Variants in SFMBT2 observed in about 807,000 individuals in gnomAD.
The protein encoded by SFMBT2 is scm-like with four MBT domains protein 2.
A neutral mutation model predicts 110.1 loss-of-function variants in SFMBT2; 38 were observed. The observed-to-expected ratio is 0.35, with a 90% CI of 0.27 to 0.45. The LOEUF is 0.45. Ranked by LOEUF, SFMBT2 falls within the 20% of genes least tolerant of loss-of-function variation. SFMBT2 has a pLI of 1.00. For synonymous variants in SFMBT2, 425 were observed against 425.4 expected (o/e 1.00, Z 0.01); for missense variants, 1,011 against 1,094.9 (o/e 0.92, Z 1.08).
At chr10:7,252,991 A>G (rs904885877) in intron 7 of SFMBT2, among the ~76,000 whole-genome samples, 2 of 152,222 alleles carry the variant, frequency 1.3e-5, no homozygotes, top group Admixed American at 6.5e-5. Flanking sequence ...CTCATTACCA[A>G]TGGCCAAAGA....
At chr10:7,208,909 G>A (rs1414015972) in intron 11 of SFMBT2, among the ~76,000 whole-genome samples, 1 of 152,086 alleles carries the variant, frequency 6.6e-6, no homozygotes, top group African/African-American at 2.4e-5. Flanking sequence ...AAGTATTTAT[G>A]AGGTCAGATG....
At chr10:7,240,621 C>T (rs1840398339) in intron 9 of SFMBT2, among the ~76,000 whole-genome samples, 1 of 151,824 alleles carries the variant, frequency 6.6e-6, no homozygotes, top group Non-Finnish European at 1.5e-5. Context: ...CTCTCAACGG[C>T]AATGTCTAAG....
At chr10:7,253,218 C>T (rs1840872053) in intron 7 of SFMBT2, among the ~76,000 whole-genome samples, 1 of 152,118 alleles carries the variant, frequency 6.6e-6, no homozygotes, top group African/African-American at 2.4e-5. Flanking sequence ...GTACCCTTTA[C>T]AATAAACAGG....
chr10:7,235,170 A>G (rs1840217539), intron 9 of SFMBT2, among the ~76,000 whole-genome samples: 1 of 152,252 alleles, frequency 6.6e-6, no homozygotes, highest in Admixed American at 6.5e-5. Context: ...CTCATGGACC[A>G]GACATTGTTT....
At chr10:7,362,724 C>T (rs1844763579) in intron 4 of SFMBT2, among the ~76,000 whole-genome samples, 1 of 152,238 alleles carries the variant, frequency 6.6e-6, no homozygotes, top group Admixed American at 6.5e-5. Flanking sequence ...TTCTCTGGTT[C>T]CAATGGGGAA....
chr10:7,336,485 G>T (rs140392042), intron 4 of SFMBT2, among the ~76,000 whole-genome samples: 1 of 152,322 alleles, frequency 6.6e-6, no homozygotes, highest in East Asian at 1.9e-4. Context: ...CTGGAAATGA[G>T]ATGTAATGAG....
rs553825807 is a variant in SFMBT2, at chr10:7,164,151, C to A, written c.2545-241G>T. 3 of 976,852 alleles carry A rather than the reference C, an allele frequency of 3.1e-6. No homozygotes were observed. In the East Asian group the frequency reaches 3.4e-4, roughly 112 times the overall value. The allele number at this position is 976,852 out of a possible 1,614,324, so 60.5% of individuals were successfully genotyped here. A position where few individuals can be genotyped will look rare whatever the true frequency, so the allele number is the denominator to read the frequency against. ...CCTATAATTCCAGCACTTTGGAAGGCTGAGGCTGGAGGATCGCTTGAGACC... is the reference window on the plus strand; with the variant it reads ...CCTATAATTCCAGCACTTTGGAAGGATGAGGCTGGAGGATCGCTTGAGACC... On this transcript the variant is annotated intron_variant, in intron 20 of 20. Transcript: ENST00000397167.
intron 7 of SFMBT2, among the ~76,000 whole-genome samples, chr10:7,254,733 C>T (rs972920165): frequency 1.3e-5 from 2 of 152,026 alleles, no homozygotes; most frequent in African/African-American, 4.8e-5. Context: ...GAGGCTGAGG[C>T]AGAAGAATCG....
intron 16 of SFMBT2, among the ~76,000 whole-genome samples, chr10:7,181,112 G>A (rs926201776): frequency 3.9e-5 from 6 of 151,976 alleles, no homozygotes; most frequent in Admixed American, 1.3e-4. Flanking sequence ...GGTGGTGCAC[G>A]CCTGTAGTCT....
At chr10:7,376,893 C>G (rs766204992) in intron 2 of SFMBT2, among the ~76,000 whole-genome samples, 1 of 148,262 alleles carries the variant, frequency 6.7e-6, no homozygotes, top group South Asian at 2.1e-4. Flanking sequence ...AACACCCGGC[C>G]GAGTGTGGTG....
rs557709682 is a variant in SFMBT2 at position 7,178,209 on chromosome 10, G to A, written c.1809-2044C>T. ...CCACACAGCAGCTTCTCCTGACCATGGCTGCTGCCTGCTTGTACCTTTCCT... is the reference window on the plus strand; with the variant it reads ...CCACACAGCAGCTTCTCCTGACCATAGCTGCTGCCTGCTTGTACCTTTCCT... On this transcript the variant is annotated intron_variant, in intron 16 of 20. Transcript: ENST00000397167. Among the ~76,000 whole-genome samples, 53 of 152,178 alleles carry A rather than the reference G, an allele frequency of 3.5e-4. 1 individual carries two copies. In the South Asian group the frequency reaches 1.0e-2, roughly 29 times the overall value.
intron 4 of SFMBT2, among the ~76,000 whole-genome samples, chr10:7,325,624 C>T (rs556725152): frequency 2.2e-4 from 33 of 152,218 alleles, no homozygotes; most frequent in African/African-American, 7.7e-4. Flanking sequence ...GAAAGTAATT[C>T]GTAAGAAAAT....
At chr10:7,263,664 G>C (rs898440721) in intron 7 of SFMBT2, among the ~76,000 whole-genome samples, 12 of 152,192 alleles carry the variant, frequency 7.9e-5, no homozygotes, top group Admixed American at 2.6e-4. Flanking sequence ...CTCTATATAT[G>C]GGCTTAAGGC....
intron 17 of SFMBT2, among the ~76,000 whole-genome samples, chr10:7,174,961 TGTG>T (rs1279655123): frequency 6.6e-6 from 1 of 151,894 alleles, no homozygotes; most frequent in East Asian, 1.9e-4. Flanking sequence ...GTGTGTGTGT[TGTG>T]TGTGTGTAGA....
intron 2 of SFMBT2, among the ~76,000 whole-genome samples, chr10:7,372,885 A>C (rs1185832009): frequency 6.6e-6 from 1 of 152,236 alleles, no homozygotes; most frequent in Non-Finnish European, 1.5e-5. Flanking sequence ...ACCCTCCTGC[A>C]GCCCCCTGCC....
chr10:7,407,514 A>G (rs917160067), intron 1 of SFMBT2, among the ~76,000 whole-genome samples: 2 of 151,978 alleles, frequency 1.3e-5, no homozygotes, highest in African/African-American at 2.4e-5. Context: ...AGCCCTCAGG[A>G]CGCGGCTGGG....
chr10:7,339,942 T>C (rs886666337), intron 4 of SFMBT2, among the ~76,000 whole-genome samples: 5 of 152,148 alleles, frequency 3.3e-5, no homozygotes, highest in African/African-American at 1.2e-4. Context: ...CAGGATGAGC[T>C]AGTTTCTAAG....
intron 4 of SFMBT2, among the ~76,000 whole-genome samples, chr10:7,320,042 C>G (rs908493802): frequency 3.1e-4 from 45 of 145,460 alleles, no homozygotes; most frequent in African/African-American, 1.1e-3. Flanking sequence ...AAGAGAGAGA[C>G]AAAGACAGAC....
chr10:7,192,618 C>T (rs144358037), intron 15 of SFMBT2, among the ~76,000 whole-genome samples: 2 of 152,282 alleles, frequency 1.3e-5, no homozygotes, highest in African/African-American at 4.8e-5. Context: ...AACAAAAACA[C>T]GGAGGGAAAT....
Sources: gnomAD v4.1 joint callset for allele counts (sites outside exome capture counted in the v4.1 genomes callset) on GRCh38, gnomAD v4.1.1 for gene constraint, MANE v1.5 for transcripts, NCBI Gene and HGNC (gene_info 2026-07-23, HGNC 2026-07-21) for gene names.